NKAIN3: variants seen among roughly 807,000 people sequenced by gnomAD.
NKAIN3 encodes sodium/potassium transporting ATPase interacting 3.
Under a neutral mutation model 30.2 loss-of-function variants are expected in NKAIN3, and 25 were observed. The observed-to-expected ratio is 0.83, with a 90% CI of 0.60 to 1.16. The LOEUF (loss-of-function observed/expected upper bound fraction) is 1.16. Ranked by LOEUF, NKAIN3 falls within the 50% of genes most tolerant of loss-of-function variation. The probability of loss-of-function intolerance (pLI) is 0.00; values close to 1 mark genes in which losing one functional copy is unlikely to be tolerated. For missense variants in NKAIN3, 225 were observed against 254.1 expected, an observed-to-expected ratio of 0.89 and a Z score of 0.78; for synonymous variants, 91 against 89.6, an observed-to-expected ratio of 1.02 and a Z score of -0.09.
intron 1 of NKAIN3, among the ~76,000 whole-genome samples, chr8:62,436,554 A>G (rs1165384928): frequency 6.6e-6 from 1 of 152,194 alleles, no homozygotes; most frequent in Non-Finnish European, 1.5e-5. Context: ...AACTGTGGAT[A>G]GATATCCATC....
chr8:62,875,790 T>C (rs1286198253), intron 4 of NKAIN3, among the ~76,000 whole-genome samples: 1 of 152,052 alleles, frequency 6.6e-6, no homozygotes, highest in African/African-American at 2.4e-5. Context: ...GAAAACTGAA[T>C]CTGGACCCAT....
intron 5 of NKAIN3, among the ~76,000 whole-genome samples, chr8:62,936,177 C>T (rs1822781633): frequency 6.6e-6 from 1 of 152,098 alleles, no homozygotes; most frequent in Non-Finnish European, 1.5e-5. Context: ...TGGCCATCTT[C>T]GTGATTTCGC....
intron 1 of NKAIN3, among the ~76,000 whole-genome samples, chr8:62,389,379 G>T (rs554907883): frequency 1.4e-4 from 22 of 152,212 alleles, no homozygotes; most frequent in African/African-American, 5.3e-4. Context: ...AAATGGAAAG[G>T]ATTGGAAGAG....
intron 1 of NKAIN3, among the ~76,000 whole-genome samples, chr8:62,255,090 T>C (rs1195983973): frequency 6.6e-6 from 1 of 152,196 alleles, no homozygotes; most frequent in Non-Finnish European, 1.5e-5. Flanking sequence ...ATGTGGTTTT[T>C]ATAGAGGTTA....
At chr8:62,994,868 C>G (rs1265461681) in intron 5 of NKAIN3, among the ~76,000 whole-genome samples, 2 of 152,102 alleles carry the variant, frequency 1.3e-5, no homozygotes, top group Non-Finnish European at 2.9e-5. Flanking sequence ...CAGCTTGGCT[C>G]AAGCTCAGGA....
At chr8:62,788,194 C>A (rs145062052) in intron 4 of NKAIN3, among the ~76,000 whole-genome samples, 4,021 of 152,270 alleles carry the variant, frequency 0.026, 185 homozygotes, top group African/African-American at 0.091. Flanking sequence ...TCGTCTCCAG[C>A]ACCTGTTGTT....
chr8:62,474,026 A>G (rs957322079), intron 1 of NKAIN3: 1 of 152,072 alleles, frequency 6.6e-6, no homozygotes, highest in Admixed American at 6.6e-5. Context: ...CTCTTGAGAG[A>G]CTTGTTGTCC....
At chr8:62,716,624 G>T (rs1469723835) in intron 3 of NKAIN3, among the ~76,000 whole-genome samples, 1 of 151,854 alleles carries the variant, frequency 6.6e-6, no homozygotes, top group East Asian at 1.9e-4. Flanking sequence ...TTTTAAAGTA[G>T]GTTAAAAAAT....
At chr8:62,746,441 G>A (rs1816073079) in intron 3 of NKAIN3, among the ~76,000 whole-genome samples, 1 of 152,148 alleles carries the variant, frequency 6.6e-6, no homozygotes, top group Non-Finnish European at 1.5e-5. Flanking sequence ...ATCATTGGTG[G>A]AGGCAATTAT....
intron 1 of NKAIN3, among the ~76,000 whole-genome samples, chr8:62,348,901 C>T (rs1444387014): frequency 1.3e-5 from 2 of 152,130 alleles, no homozygotes; most frequent in African/African-American, 4.8e-5. Flanking sequence ...TCAACAAAGG[C>T]AAGTAATGTC....
intron 4 of NKAIN3, among the ~76,000 whole-genome samples, chr8:62,869,835 T>A (rs1209010534): frequency 1.3e-5 from 2 of 152,160 alleles, no homozygotes; most frequent in Admixed American, 1.3e-4. Context: ...TGGCGCGATC[T>A]CGGCTCACTG....
chr8:62,386,820 T>G (rs1817437213), intron 1 of NKAIN3, among the ~76,000 whole-genome samples: 1 of 152,052 alleles, frequency 6.6e-6, no homozygotes, highest in African/African-American at 2.4e-5. Context: ...TTCTCTGATC[T>G]GTAAAATGTG....
At chr8:62,816,440 G>A (rs1374487000) in intron 4 of NKAIN3, among the ~76,000 whole-genome samples, 2 of 152,172 alleles carry the variant, frequency 1.3e-5, no homozygotes, top group Non-Finnish European at 2.9e-5. Flanking sequence ...GGAGAAGGTA[G>A]GCTCACTGTG....
chr8:62,890,076 T>C (rs1312233519), intron 4 of NKAIN3, among the ~76,000 whole-genome samples: 1 of 152,162 alleles, frequency 6.6e-6, no homozygotes, highest in Admixed American at 6.5e-5. Context: ...TTGAACATGT[T>C]CTTTAGTTGA....
At chr8:62,884,549 G>A (rs139299437) in intron 4 of NKAIN3, among the ~76,000 whole-genome samples, 1,570 of 152,250 alleles carry the variant, frequency 0.01, 9 homozygotes, top group African/African-American at 0.022. Context: ...GAGCCCCTGC[G>A]TCAGCACTAA....
intron 4 of NKAIN3, among the ~76,000 whole-genome samples, chr8:62,869,955 AG>A (rs2130798904): frequency 6.6e-6 from 1 of 151,800 alleles, no homozygotes; most frequent in African/African-American, 2.4e-5. Context: ...TATTTTTAGT[AG>A]AGACGGGGTT....
intron 1 of NKAIN3, among the ~76,000 whole-genome samples, chr8:62,466,647 G>A (rs1182970275): frequency 2.6e-5 from 4 of 152,156 alleles, no homozygotes; most frequent in African/African-American, 4.8e-5. Context: ...CTAAAATCAT[G>A]TTTTGCTGCA....
At chr8:62,369,981 A>T (rs1816858242) in intron 1 of NKAIN3, among the ~76,000 whole-genome samples, 1 of 152,066 alleles carries the variant, frequency 6.6e-6, no homozygotes, top group East Asian at 1.9e-4. Context: ...GTTCCATGGC[A>T]ACCAATACCT....
At chr8:62,527,133 G>A (rs556174280) in intron 1 of NKAIN3, among the ~76,000 whole-genome samples, 7 of 152,282 alleles carry the variant, frequency 4.6e-5, no homozygotes, top group Admixed American at 2.0e-4. Flanking sequence ...GACAGACTGC[G>A]TGTCAATCCC....
Sources: allele counts gnomAD v4.1 joint callset (sites outside exome capture counted in the v4.1 genomes callset), GRCh38; gene constraint gnomAD v4.1.1; transcripts MANE v1.5; gene names NCBI Gene and HGNC (gene_info 2026-07-23, HGNC 2026-07-21).